The following DIABLO variants were observed in gnomAD, a reference collection of about 807,000 sequenced individuals.
DIABLO encodes the protein diablo homolog, mitochondrial.
In DIABLO, 32 loss-of-function variants were observed where a neutral mutation model predicts 31.7. The observed-to-expected ratio is 1.01, with a 90% CI of 0.76 to 1.35. DIABLO has a LOEUF of 1.35. Among genes scored for constraint, DIABLO ranks in the 40% most tolerant of loss-of-function variants. The pLI is 0.00. For missense variants in DIABLO, 316 were observed against 286.4 expected, an observed-to-expected ratio of 1.10 and a Z score of -0.75; for synonymous variants, 132 against 103.2, an observed-to-expected ratio of 1.28 and a Z score of -1.69.
At chr12:122,212,914 T>C (rs1464826297) in intron 5 of DIABLO, among the ~76,000 whole-genome samples, 1 of 151,918 alleles carries the variant, frequency 6.6e-6, no homozygotes, top group Non-Finnish European at 1.5e-5. Flanking sequence ...CGTGAGCCAC[T>C]GCGCCCGGCC....
intron 5 of DIABLO, among the ~76,000 whole-genome samples, chr12:122,215,275 T>C (rs189624642): frequency 2.6e-4 from 39 of 151,380 alleles, no homozygotes; most frequent in East Asian, 2.1e-3. Flanking sequence ...AGTGAAACTC[T>C]GTCTCAAAAA....
At chr12:122,219,968 G>A (rs1375012018) in intron 2 of DIABLO, among the ~76,000 whole-genome samples, 3 of 148,712 alleles carry the variant, frequency 2.0e-5, no homozygotes, top group African/African-American at 5.0e-5. Flanking sequence ...TTTTGAGACA[G>A]AGTCTCACTC....
In DIABLO at chr12:122,218,270, G is replaced by C; in HGVS notation, c.311C>G (p.Thr104Ser). 6.2e-6 allele frequency: 10 copies of C among 1,614,074 alleles called. No homozygotes were observed. Among genetic ancestry groups the C allele is most frequent in the Non-Finnish European group, 8.5e-6 (10 of 1,179,970 alleles). ...AAGAGTTAAGAGGAGACATACCTTA[G>C]TATATTCAGTAATAGCTTCAATCAA... ...YALIEAITEYTKAVYTLTSLY... is the reference protein window; with the variant it reads ...YALIEAITEYSKAVYTLTSLY... The change falls in exon 3 of 6, where the codon ACT becomes AGT. Residue 104 changes from threonine to serine, a missense_variant. Physicochemically the swap from Thr to Ser is moderately conservative, Grantham distance 58. Coordinates refer to ENST00000464942, the MANE Select transcript of DIABLO (RefSeq NM_001371333.1).
At chr12:122,218,170 A>C in intron 3 of DIABLO, 96 bp downstream of exon 3, 2 of 1,436,796 alleles carry the variant, frequency 1.4e-6, no homozygotes, top group Non-Finnish European at 2.0e-6. Context: ...GCTATGTTTC[A>C]ATCAAATACC....
In DIABLO at chr12:122,210,600, T is replaced by C. The variant is rs558621152; in HGVS notation, c.524-2023A>G. On this transcript the variant is annotated intron_variant, in intron 5 of 5. Coordinates refer to ENST00000464942, the MANE Select transcript of DIABLO (RefSeq NM_001371333.1). Reference sequence around the variant, plus strand: ...TTCACCACGTTAGCCAGGATGGTCTTGATCTCCTGACCTCGTGATCCACCC... The same window carrying C: ...TTCACCACGTTAGCCAGGATGGTCTCGATCTCCTGACCTCGTGATCCACCC... Among the ~76,000 whole-genome samples, 397 of 150,526 alleles carry C rather than the reference T, an allele frequency of 2.6e-3. 1 individual carries two copies. The highest frequency in any genetic ancestry group is 7.6e-3 in the African/African-American group (306 of 40,106).
chr12:122,219,827 T>A (rs1291077131), intron 2 of DIABLO, among the ~76,000 whole-genome samples: 1 of 149,768 alleles, frequency 6.7e-6, no homozygotes, highest in Non-Finnish European at 1.5e-5. Context: ...ATCGTGCCAC[T>A]TCACTCCAGC....
intron 2 of DIABLO, among the ~76,000 whole-genome samples, chr12:122,219,263 A>AAAACT (rs1159070625): frequency 6.6e-6 from 1 of 152,116 alleles, no homozygotes; most frequent in East Asian, 1.9e-4. Flanking sequence ...AAAAACCCCC[A>AAAACT]AAACTATTGA....
In DIABLO at chr12:122,208,118, T is replaced by TA. The variant is rs138260989; in HGVS notation, c.*262dup. On this transcript the variant is annotated 3_prime_UTR_variant, in exon 6 of 6. Coordinates refer to ENST00000464942, the MANE Select transcript of DIABLO (RefSeq NM_001371333.1). ...TAGGCAAAATGCTTTGGGTGTGAGG[T>TA]AAAAAAAATGGGTAAGAGCAGCTGT... 0.06 allele frequency: 39,759 copies of TA among 658,770 alleles called. 1,460 individuals are homozygous for TA. Among genetic ancestry groups the TA allele is most frequent in the Non-Finnish European group, 0.083 (29,596 of 358,632 alleles). The allele number at this position is 658,770 out of a possible 1,614,324, so 40.8% of individuals were successfully genotyped here.
chr12:122,215,064 G>A (rs966028836), intron 5 of DIABLO, among the ~76,000 whole-genome samples: 3 of 152,104 alleles, frequency 2.0e-5, no homozygotes, highest in Non-Finnish European at 2.9e-5. Context: ...GCGGTGGCTC[G>A]CACCTGTAAT....
intron 2 of DIABLO, among the ~76,000 whole-genome samples, chr12:122,219,858 C>T (rs1954296341): frequency 6.7e-6 from 1 of 148,556 alleles, no homozygotes; most frequent in Non-Finnish European, 1.5e-5. Context: ...GAGCAAGACT[C>T]TTTCGCCAAA....
intron 4 of DIABLO, 84 bp downstream of exon 4, chr12:122,216,675 A>G: frequency 6.5e-7 from 1 of 1,538,784 alleles, no homozygotes; most frequent in Non-Finnish European, 9.0e-7. Context: ...AACACTGATT[A>G]TATTGATTAG....
chr12:122,216,351 G>T, intron 5 of DIABLO, 137 bp downstream of exon 5: 1 of 725,644 alleles, frequency 1.4e-6, no homozygotes, highest in East Asian at 2.7e-5. Context: ...GTAGGAAATG[G>T]GGAAAATTTC....
chr12:122,218,144 TAAAC>T (rs2136098550), intron 3 of DIABLO, 118 bp downstream of exon 3: 2 of 1,233,580 alleles, frequency 1.6e-6, no homozygotes, highest in East Asian at 2.5e-5. Context: ...TGACAACACA[TAAAC>T]AAATAGGCCT....
At chr12:122,215,114 G>A (rs907334972) in intron 5 of DIABLO, among the ~76,000 whole-genome samples, 5 of 152,172 alleles carry the variant, frequency 3.3e-5, no homozygotes, top group Non-Finnish European at 7.3e-5. Flanking sequence ...ACAACATGAC[G>A]AAACCTGCCT....
At chr12:122,211,575 T>C (rs1954090408) in intron 5 of DIABLO, among the ~76,000 whole-genome samples, 1 of 151,782 alleles carries the variant, frequency 6.6e-6, no homozygotes, top group African/African-American at 2.4e-5. Context: ...GTTGGGCTGC[T>C]TGGGACGCTG....
chr12:122,216,722 T>G (rs749902643), intron 4 of DIABLO, 37 bp downstream of exon 4: 2 of 1,582,968 alleles, frequency 1.3e-6, no homozygotes, highest in South Asian at 1.1e-5. Context: ...ATGAGGTAGG[T>G]GCACTAACAC....
rs562361854 is a variant in DIABLO at position 122,217,326 on chromosome 12, A to G, written c.316-457T>C. On this transcript the variant is annotated intron_variant, in intron 3 of 5. Transcript: ENST00000464942. ...TCAGGAGTTCGAGACCAGCTTGGCCAACATGGCAAAACCCCGTCTCTACTA... is the reference window on the plus strand; with the variant it reads ...TCAGGAGTTCGAGACCAGCTTGGCCGACATGGCAAAACCCCGTCTCTACTA... 4.1e-5 allele frequency: 8 copies of G among 193,300 alleles called. No individual in the cohort carries two copies. The East Asian group carries it at 1.0e-3, about 24-fold the overall frequency. 12.0% of individuals were successfully genotyped at this position (193,300 alleles called of 1,614,324 possible).
Position 122,226,008 on chromosome 12 carries a change from C to T in DIABLO, c.7G>A (p.Ala3Thr). MAALKSWLSRSVT... is the reference protein window; with the variant it reads MATLKSWLSRSVT... ...CTGCGCGACAGCCAACTCTTCAGAGCCGCCATTGTGCAGCGCGCGGACGCC... is the reference window on the plus strand; with the variant it reads ...CTGCGCGACAGCCAACTCTTCAGAGTCGCCATTGTGCAGCGCGCGGACGCC... The change falls in exon 1 of 6, where the codon GCT (alanine) becomes ACT (threonine). Residue 3 changes from alanine to threonine, a missense_variant. Physicochemically the swap from Ala to Thr is moderately conservative, Grantham distance 58. Coordinates refer to ENST00000464942, the MANE Select transcript of DIABLO (RefSeq NM_001371333.1). 3 of 1,603,804 alleles carry T rather than the reference C, an allele frequency of 1.9e-6. No individual in the cohort carries two copies. The highest frequency in any genetic ancestry group is 2.6e-6 in the Non-Finnish European group (3 of 1,176,048).
upstream of DIABLO, chr12:122,226,364 G>A (rs1221846410): frequency 3.5e-5 from 20 of 578,780 alleles, no homozygotes; most frequent in Non-Finnish European, 6.0e-5. Context: ...TGGTGAGTTA[G>A]GGAGGCGGGG....
Sources: allele counts gnomAD v4.1 joint callset (sites outside exome capture counted in the v4.1 genomes callset), GRCh38; gene constraint gnomAD v4.1.1; transcripts MANE v1.5; gene names NCBI Gene and HGNC (gene_info 2026-07-23, HGNC 2026-07-21).